The following ATAD2B variants were observed in gnomAD, a reference collection of about 807,000 sequenced individuals.
The protein encoded by ATAD2B is ATPase family AAA domain-containing protein 2B.
In ATAD2B, 40 loss-of-function variants were observed where a neutral mutation model predicts 167.6. The ratio of observed to expected loss-of-function variants is 0.24; its 90% CI spans 0.19 to 0.31. The LOEUF (loss-of-function observed/expected upper bound fraction) is 0.31, where lower values mean the gene tolerates loss of function less well. Among genes scored for constraint, ATAD2B ranks in the 10% least tolerant of loss-of-function variants. ATAD2B has a pLI of 1.00. For missense variants in ATAD2B, 1,242 were observed against 1,757.2 expected, an observed-to-expected ratio of 0.71 and a Z score of 5.24; for synonymous variants, 579 against 596.5, an observed-to-expected ratio of 0.97 and a Z score of 0.43.
intron 1 of ATAD2B, among the ~76,000 whole-genome samples, chr2:23,901,428 T>C (rs749459036): frequency 4.6e-5 from 7 of 152,012 alleles, no homozygotes; most frequent in Admixed American, 6.6e-5. Context: ...CTGCTACTAG[T>C]TGCAGCCCTA....
intron 1 of ATAD2B, among the ~76,000 whole-genome samples, chr2:23,899,934 T>C (rs1351701315): frequency 7.0e-6 from 1 of 143,730 alleles, no homozygotes; most frequent in Non-Finnish European, 1.5e-5. Context: ...TTTTTTTTTT[T>C]TTTTTTTGAG....
rs1406377283 is a variant in ATAD2B, at chr2:23,749,859, T to C, written c.*2187A>G. ...AGTAACCTACTAAGAAACATGTGCA[T>C]TTTTTTTTCCTTTCACAAGTGCTGC... is the stretch of plus-strand genomic sequence containing the variant. On this transcript the variant is annotated 3_prime_UTR_variant, in exon 28 of 28. Coordinates refer to ENST00000238789, the MANE Select transcript of ATAD2B (RefSeq NM_017552.4). 6.8e-6 allele frequency: 1 copy of C among 147,934 alleles called. No homozygotes were observed. Among genetic ancestry groups the C allele is most frequent in the Admixed American group, 6.8e-5 (1 of 14,812 alleles). The allele number at this position is 147,934 out of a possible 1,614,324, so 9.2% of individuals were successfully genotyped here. A position where few individuals can be genotyped will look rare whatever the true frequency, so the allele number is the denominator to read the frequency against.
the ATAD2B span, chr2:23,703,468 TA>T: frequency 8.2e-7 from 1 of 1,221,588 alleles, no homozygotes; most frequent in Non-Finnish European, 1.1e-6. Flanking sequence ...GAAGTCAGGC[TA>T]AGCCCAACAG....
At chr2:23,722,197 G>A in the ATAD2B span, among the ~76,000 whole-genome samples, 9 of 152,118 alleles carry the variant, frequency 5.9e-5, no homozygotes, top group East Asian at 1.7e-3. Flanking sequence ...CGATGAAAAT[G>A]CAAGGAAACA....
Position 23,754,680 on chromosome 2 carries a change from C to A in ATAD2B, c.4173G>T (p.Val1391=). Residue 1391 remains valine (V), a synonymous_variant, in exon 26 of 28, where the codon GTG becomes GTT. Transcript: ENST00000238789. ...TCTCACGATCAACTATAAGAGGAGG[C>A]ACAGGCTCAGATGGCTCTTCTGGAA... ...ELVPEEPSEP[V]PPLIVDRERL... 6.2e-7 allele frequency: 1 copy of A among 1,613,030 alleles called. No homozygotes were observed. Among genetic ancestry groups the A allele is most frequent in the Non-Finnish European group, 8.5e-7 (1 of 1,179,316 alleles).
chr2:23,888,500 TA>T, intron 2 of ATAD2B, 101 bp from the exon 3 acceptor site: 1 of 768,816 alleles, frequency 1.3e-6, no homozygotes, highest in Non-Finnish European at 2.0e-6. Context: ...AAAACTTTTT[TA>T]AAAGTAAAGA....
At chr2:23,702,501 C>T in the ATAD2B span, among the ~76,000 whole-genome samples, 1 of 152,164 alleles carries the variant, frequency 6.6e-6, no homozygotes, top group Non-Finnish European at 1.5e-5. Context: ...CAAAATGCCA[C>T]CTTTGCCTAC....
intron 2 of ATAD2B, among the ~76,000 whole-genome samples, chr2:23,891,019 G>GTTT (rs1304538422): frequency 7.4e-6 from 1 of 135,386 alleles, no homozygotes. Flanking sequence ...AATATACTGA[G>GTTT]ATTTTTTTTT....
chr2:23,829,764 GA>G (rs1286951219), intron 14 of ATAD2B, among the ~76,000 whole-genome samples: 2 of 151,584 alleles, frequency 1.3e-5, no homozygotes, highest in Non-Finnish European at 2.9e-5. Flanking sequence ...CTCAAAGGGA[GA>G]AAAAAAATCA....
intron 1 of ATAD2B, 46 bp downstream of exon 1, chr2:23,926,509 G>T: frequency 6.6e-7 from 1 of 1,526,200 alleles, no homozygotes. Flanking sequence ...CCCGGCAGCA[G>T]GGCCGGCACT....
At chr2:23,747,189 C>T (rs1674935346), downstream of ATAD2B, among the ~76,000 whole-genome samples, 1 of 152,062 alleles carries the variant, frequency 6.6e-6, no homozygotes, top group South Asian at 2.1e-4. Flanking sequence ...TTTCTATCTC[C>T]CCTTCCCTCA....
At chr2:23,680,281 C>T in the ATAD2B span, among the ~76,000 whole-genome samples, 4 of 152,024 alleles carry the variant, frequency 2.6e-5, no homozygotes, top group East Asian at 1.9e-4. This position sits in a 1 kb window ranked among gnomAD's most constrained non-coding sequence, Gnocchi z 4.1. Context: ...GGAAGGCCTG[C>T]GGATTGCGGG....
chr2:23,926,475 A>AC, intron 1 of ATAD2B, 80 bp downstream of exon 1: 1 of 1,492,630 alleles, frequency 6.7e-7, no homozygotes, highest in Non-Finnish European at 8.9e-7. Context: ...TAGGCTTCCT[A>AC]CCCCCAACCC....
the ATAD2B span, among the ~76,000 whole-genome samples, chr2:23,737,799 G>C: frequency 1.2e-4 from 18 of 151,918 alleles, no homozygotes; most frequent in African/African-American, 3.4e-4. Flanking sequence ...AAAAGGCTTT[G>C]AAAAAAAATT....
At position 23,858,606 on chromosome 2, in the gene ATAD2B, C is replaced by T. The variant is rs577599607; in HGVS notation, c.1480-1103G>A. Among the ~76,000 whole-genome samples the T allele has an allele frequency of 4.6e-5, 7 of 151,532 alleles. No individual in the cohort carries two copies. In the East Asian group the frequency reaches 1.4e-3, roughly 30 times the overall value. On this transcript the variant is annotated intron_variant, in intron 12 of 27. Transcript: ENST00000238789. The stretch of plus-strand genomic sequence containing the variant: ...GCAAACAATCCTCTTGCTTCAGCCT[C>T]CAGAGTACCTGGGACTACAGGCAGG...
chr2:23,843,191 T>G (rs1216977658), intron 13 of ATAD2B, among the ~76,000 whole-genome samples: 2 of 152,152 alleles, frequency 1.3e-5, no homozygotes, highest in Non-Finnish European at 2.9e-5. Context: ...GTCCTAGGAC[T>G]GAAAAATACA....
At chr2:23,869,501 G>C (rs777772605) in intron 9 of ATAD2B, 162 bp downstream of exon 9, 6 of 595,706 alleles carry the variant, frequency 1.0e-5, no homozygotes, top group South Asian at 9.9e-5. Context: ...TTTGGGGAAA[G>C]GTTAGATTTT....
At chr2:23,693,091 CAGG>C in the ATAD2B span, among the ~76,000 whole-genome samples, 860 of 152,278 alleles carry the variant, frequency 5.6e-3, 6 homozygotes, top group African/African-American at 0.02. Context: ...GGGGAGAACC[CAGG>C]AGAAGGATCG....
At chr2:23,906,059 G>C (rs1178026618) in intron 1 of ATAD2B, among the ~76,000 whole-genome samples, 1 of 152,120 alleles carries the variant, frequency 6.6e-6, no homozygotes, top group Non-Finnish European at 1.5e-5. Flanking sequence ...AAGGTCGGCT[G>C]GGTGCGGTGG....
Sources: allele counts gnomAD v4.1 joint callset (sites outside exome capture counted in the v4.1 genomes callset), GRCh38; gene constraint gnomAD v4.1.1; non-coding constraint Gnocchi (gnomAD v3.1); transcripts MANE v1.5; gene names NCBI Gene and HGNC (gene_info 2026-07-23, HGNC 2026-07-21).